Variants in CEP170 observed in about 807,000 individuals in gnomAD.
The protein encoded by CEP170 is centrosomal protein of 170 kDa.
In CEP170, 21 loss-of-function variants were observed where a neutral mutation model predicts 151.9. The observed-to-expected ratio is 0.14, with a 90% CI of 0.10 to 0.20. CEP170 has a LOEUF of 0.20. Among genes scored for constraint, CEP170 ranks in the 10% least tolerant of loss-of-function variants. The pLI is 1.00. For missense variants in CEP170, 964 were observed against 1,892.9 expected (o/e 0.51, Z 9.11); for synonymous variants, 356 against 648.8 (o/e 0.55, Z 6.86).
At chr1:243,190,916 G>A in intron 8 of CEP170, 102 bp downstream of exon 8, 1 of 1,433,128 alleles carries the variant, frequency 7.0e-7, no homozygotes, top group Non-Finnish European at 9.2e-7. Context: ...GAAAAAAGCA[G>A]AATGTTTTCT....
At chr1:243,206,617 C>T (rs376425889) in intron 4 of CEP170, among the ~76,000 whole-genome samples, 1 of 151,978 alleles carries the variant, frequency 6.6e-6, no homozygotes, top group Non-Finnish European at 1.5e-5. Context: ...ATGGAAGGTT[C>T]GTGGGTTTCA....
At chr1:243,176,606 T>C (rs1306566069) in intron 10 of CEP170, 3 of 218,338 alleles carry the variant, frequency 1.4e-5, no homozygotes, top group East Asian at 1.0e-4. Context: ...CTGAATACAT[T>C]TGTATATTTG....
At chr1:243,179,907 A>G (rs910240135) in intron 10 of CEP170, among the ~76,000 whole-genome samples, 13 of 152,226 alleles carry the variant, frequency 8.5e-5, no homozygotes, top group African/African-American at 2.4e-4. Context: ...GGAGAGATAT[A>G]AGAAGTGAAT....
At chr1:243,186,562 C>T (rs946887931) in intron 8 of CEP170, 140 bp from the exon 9 acceptor site, 52 of 839,120 alleles carry the variant, frequency 6.2e-5, no homozygotes, top group Non-Finnish European at 6.6e-5. Context: ...GTAACAGGCT[C>T]GGCAAACTTG....
intron 14 of CEP170, among the ~76,000 whole-genome samples, chr1:243,151,643 AT>A (rs2148416692): frequency 6.6e-6 from 1 of 152,412 alleles, no homozygotes; most frequent in East Asian, 1.9e-4. Flanking sequence ...GAACGAAACC[AT>A]CCCCCTAACA....
At chr1:243,187,171 A>T (rs571373479) in intron 8 of CEP170, among the ~76,000 whole-genome samples, 18 of 152,326 alleles carry the variant, frequency 1.2e-4, no homozygotes, top group African/African-American at 4.3e-4. Flanking sequence ...ATGGTGCTCA[A>T]TATAACCAGC....
intron 14 of CEP170, among the ~76,000 whole-genome samples, chr1:243,152,624 C>T (rs1437580180): frequency 3.4e-5 from 5 of 148,900 alleles, no homozygotes; most frequent in Admixed American, 6.7e-5. Context: ...CTCTGCCTCC[C>T]GGATTCAAAC....
intron 10 of CEP170, among the ~76,000 whole-genome samples, chr1:243,180,249 C>A (rs2059536618): frequency 6.6e-6 from 1 of 151,998 alleles, no homozygotes; most frequent in South Asian, 2.1e-4. Context: ...GAATTTCATA[C>A]AATAAGAGAG....
At chr1:243,133,815 G>C (rs1331522508) in intron 17 of CEP170, among the ~76,000 whole-genome samples, 1 of 152,162 alleles carries the variant, frequency 6.6e-6, no homozygotes, top group Non-Finnish European at 1.5e-5. Flanking sequence ...TCTCACGTAA[G>C]ACAATAACAG....
At chr1:243,253,471 A>T (rs2066139996) in intron 1 of CEP170, among the ~76,000 whole-genome samples, 2 of 152,210 alleles carry the variant, frequency 1.3e-5, no homozygotes, top group Admixed American at 1.3e-4. Context: ...TCTGAGTTTT[A>T]GTGTCTTCCT....
chr1:243,178,703 A>G (rs79437213), intron 10 of CEP170, among the ~76,000 whole-genome samples: 2 of 152,042 alleles, frequency 1.3e-5, no homozygotes, highest in Non-Finnish European at 2.9e-5. Context: ...TTTTCTTTAA[A>G]TGGGACTCTA....
At chr1:243,246,574 G>C (rs1172559291) in intron 1 of CEP170, among the ~76,000 whole-genome samples, 8 of 152,132 alleles carry the variant, frequency 5.3e-5, no homozygotes, top group Non-Finnish European at 1.0e-4. Flanking sequence ...TTCATAAATT[G>C]TGTGTAAGTA....
intron 1 of CEP170, among the ~76,000 whole-genome samples, chr1:243,237,431 A>G (rs985433261): frequency 6.6e-6 from 1 of 152,214 alleles, no homozygotes; most frequent in Non-Finnish European, 1.5e-5. Context: ...TAGCTAGTTC[A>G]GCTCTCAAAC....
chr1:243,241,914 AAAAG>A (rs1464669996), intron 1 of CEP170, among the ~76,000 whole-genome samples: 4 of 152,082 alleles, frequency 2.6e-5, no homozygotes, highest in Admixed American at 1.3e-4. Context: ...AGGAAGATCA[AAAAG>A]AAAGAAATAG....
At chr1:243,228,735 T>C (rs1004197486) in intron 1 of CEP170, among the ~76,000 whole-genome samples, 2 of 152,204 alleles carry the variant, frequency 1.3e-5, no homozygotes, top group African/African-American at 4.8e-5. Flanking sequence ...TTTCTTAATA[T>C]AGCAAAGTCC....
In CEP170 at chr1:243,139,105, C is replaced by CTT. The variant is rs370290389; in HGVS notation, c.4230+830_4230+831dup. On this transcript the variant is annotated intron_variant, in intron 16 of 19. Transcript: ENST00000366542. ...TGTAGGCCTTAAGTATTTTCTTTTTCTTTTTTTTTTTTTGGAGACAGAGTC... is the reference window on the plus strand; with the variant it reads ...TGTAGGCCTTAAGTATTTTCTTTTTCTTTTTTTTTTTTTTTGGAGACAGAGTC... 1.2e-3 allele frequency among the ~76,000 whole-genome samples: 162 copies of CTT among 136,074 alleles called. 1 individual carries two copies. The highest frequency in any genetic ancestry group is 3.9e-3 in the African/African-American group (146 of 36,964). The allele number at this position is 136,074 out of a possible 152,430, so 89.3% of individuals were successfully genotyped here.
chr1:243,197,511 G>T (rs1300132204), intron 7 of CEP170, among the ~76,000 whole-genome samples: 1 of 152,048 alleles, frequency 6.6e-6, no homozygotes, highest in East Asian at 1.9e-4. Context: ...GATGAGAGAT[G>T]TTAAGAACTT....
At chr1:243,176,331 G>A (rs2059250059) in intron 10 of CEP170, among the ~76,000 whole-genome samples, 1 of 152,194 alleles carries the variant, frequency 6.6e-6, no homozygotes, top group African/African-American at 2.4e-5. Flanking sequence ...AAGGAAGGCG[G>A]AATAGGACAG....
intron 1 of CEP170, among the ~76,000 whole-genome samples, chr1:243,226,177 A>G (rs2063270466): frequency 2.8e-5 from 1 of 36,350 alleles, no homozygotes; most frequent in Non-Finnish European, 5.5e-5. Context: ...AGATATATAT[A>G]TATCTAGATA....
Sources: allele counts gnomAD v4.1 joint callset (sites outside exome capture counted in the v4.1 genomes callset), GRCh38; gene constraint gnomAD v4.1.1; transcripts MANE v1.5; gene names NCBI Gene and HGNC (gene_info 2026-07-23, HGNC 2026-07-21).